Variants in DNAH11 observed in about 807,000 individuals in gnomAD.
DNAH11 encodes the protein dynein axonemal heavy chain 11.
Under a neutral mutation model 526.0 loss-of-function variants are expected in DNAH11, and 442 were observed. The observed-to-expected ratio is 0.84, with a 90% CI of 0.78 to 0.91. The LOEUF is 0.91. Ranked by LOEUF, DNAH11 falls within the 40% of genes least tolerant of loss-of-function variation. DNAH11 has a pLI of 0.00. For synonymous variants in DNAH11, 2,461 were observed against 1,935.9 expected (o/e 1.27, Z -7.12); for missense variants, 6,989 against 5,448.7 (o/e 1.28, Z -8.90).
intron 5 of DNAH11, among the ~76,000 whole-genome samples, chr7:21,562,556 T>G (rs531673673): frequency 6.6e-6 from 1 of 152,136 alleles, no homozygotes; most frequent in South Asian, 2.1e-4. Context: ...GGCCTGGAGA[T>G]TCAGGAAGAA....
chr7:21,826,260 A>G (rs1361732589), intron 65 of DNAH11, among the ~76,000 whole-genome samples: 1 of 152,066 alleles, frequency 6.6e-6, no homozygotes, highest in Non-Finnish European at 1.5e-5. Flanking sequence ...AACAAAATAA[A>G]GACTTTCTTA....
At chr7:21,880,648 G>C in intron 74 of DNAH11, 54 bp from the exon 75 acceptor site, 1 of 1,593,986 alleles carries the variant, frequency 6.3e-7, no homozygotes, top group Non-Finnish European at 8.6e-7. Context: ...GCAGACCCTT[G>C]CTCTTGGAAA....
In DNAH11 at chr7:21,856,906, G is replaced by C. The variant is rs554343582; in HGVS notation, c.11202+2451G>C. Among the ~76,000 whole-genome samples the C allele has an allele frequency of 1.7e-4, 26 of 152,160 alleles. 2 individuals are homozygous for C. The highest frequency in any genetic ancestry group is 1.7e-3 in the South Asian group (8 of 4,826). On this transcript the variant is annotated intron_variant, in intron 68 of 81. Coordinates refer to ENST00000409508, the MANE Select transcript of DNAH11 (RefSeq NM_001277115.2). ...TAATGTTGAAAATGGAATGCTTTTCGCTAAAATCAGGAACAAGACAAGGAT... is the reference window on the plus strand; with the variant it reads ...TAATGTTGAAAATGGAATGCTTTTCCCTAAAATCAGGAACAAGACAAGGAT...
intron 74 of DNAH11, among the ~76,000 whole-genome samples, chr7:21,880,226 C>G (rs909998365): frequency 3.3e-5 from 5 of 152,086 alleles, no homozygotes; most frequent in South Asian, 2.1e-4. Context: ...TTGGATGACA[C>G]AAATGGCTTC....
At chr7:21,548,081 A>T (rs1782871386) in intron 2 of DNAH11, among the ~76,000 whole-genome samples, 1 of 150,886 alleles carries the variant, frequency 6.6e-6, no homozygotes, top group Admixed American at 6.6e-5. Context: ...TTTTAAAGCA[A>T]CCTTCTACCC....
chr7:21,829,433 A>C (rs1274747718), intron 65 of DNAH11, among the ~76,000 whole-genome samples: 1 of 152,238 alleles, frequency 6.6e-6, no homozygotes, highest in African/African-American at 2.4e-5. Context: ...ATCTCTCTCC[A>C]AACAGCAGGT....
intron 29 of DNAH11, among the ~76,000 whole-genome samples, chr7:21,657,236 C>A (rs1302250436): frequency 6.6e-6 from 1 of 152,132 alleles, no homozygotes; most frequent in Non-Finnish European, 1.5e-5. Context: ...TTAGTGTATT[C>A]TTCAGCAAGT....
intron 9 of DNAH11, 27 bp from the exon 10 acceptor site, chr7:21,588,037 A>C (rs1398771416): frequency 5.6e-6 from 9 of 1,609,708 alleles, no homozygotes; most frequent in Non-Finnish European, 7.6e-6. Flanking sequence ...ATAGTGCTTA[A>C]TGTTGCCTTC....
intron 9 of DNAH11, among the ~76,000 whole-genome samples, chr7:21,586,522 G>A (rs1287000450): frequency 6.6e-6 from 1 of 152,108 alleles, no homozygotes; most frequent in Non-Finnish European, 1.5e-5. Context: ...CTAAGGTATA[G>A]TTATAGTTAC....
chr7:21,651,499 A>G (rs1781771900), intron 28 of DNAH11, among the ~76,000 whole-genome samples: 1 of 152,178 alleles, frequency 6.6e-6, no homozygotes, highest in Non-Finnish European at 1.5e-5. Flanking sequence ...AGTAGCTGGA[A>G]TTATAGGCGC....
At chr7:21,689,730 G>C (rs1783529955) in intron 34 of DNAH11, among the ~76,000 whole-genome samples, 1 of 152,208 alleles carries the variant, frequency 6.6e-6, no homozygotes, top group African/African-American at 2.4e-5. Flanking sequence ...AGTGTCTAAA[G>C]CACCCTTAGT....
chr7:21,891,599 T>C (rs1208510379), intron 76 of DNAH11, among the ~76,000 whole-genome samples: 1 of 152,234 alleles, frequency 6.6e-6, no homozygotes, highest in Admixed American at 6.5e-5. Flanking sequence ...GGGTTTGTTA[T>C]TGCTATTCAC....
At chr7:21,593,046 A>T (rs1016835386) in intron 14 of DNAH11, among the ~76,000 whole-genome samples, 2 of 152,202 alleles carry the variant, frequency 1.3e-5, no homozygotes, top group Non-Finnish European at 2.9e-5. Flanking sequence ...ATTTAGAGCC[A>T]TATAATTAGA....
At chr7:21,815,955 G>T (rs1222196713) in intron 63 of DNAH11, among the ~76,000 whole-genome samples, 1 of 151,932 alleles carries the variant, frequency 6.6e-6, no homozygotes, top group Non-Finnish European at 1.5e-5. Context: ...AAGTTCCTTT[G>T]CACAACTGAG....
intron 20 of DNAH11, among the ~76,000 whole-genome samples, chr7:21,613,560 A>G (rs778364383): frequency 3.4e-4 from 52 of 152,326 alleles, no homozygotes; most frequent in Admixed American, 1.0e-3. Flanking sequence ...ACATAGTAGG[A>G]AATGAAGAGA....
intron 45 of DNAH11, among the ~76,000 whole-genome samples, chr7:21,729,215 G>A (rs1375700797): frequency 1.3e-5 from 2 of 152,200 alleles, no homozygotes; most frequent in East Asian, 1.9e-4. Context: ...GTCTTGTCCT[G>A]TAGAATCTAA....
intron 20 of DNAH11, among the ~76,000 whole-genome samples, chr7:21,613,730 TATTA>T (rs1278268355): frequency 2.6e-5 from 4 of 152,218 alleles, no homozygotes; most frequent in African/African-American, 4.8e-5. Flanking sequence ...ATAATGCATA[TATTA>T]ATTAGCTCTA....
In DNAH11 at chr7:21,704,485, G is replaced by A. The variant is rs760217754; in HGVS notation, c.6325G>A (p.Asp2109Asn). 22 of 1,613,616 alleles carry A rather than the reference G, an allele frequency of 1.4e-5. No homozygotes were observed. The highest frequency in any genetic ancestry group is 3.3e-5 in the Admixed American group (2 of 59,932). ...DFNMPKIVTDDIPVFLGLVGD... is the reference protein window; with the variant it reads ...DFNMPKIVTDNIPVFLGLVGD... ...CAATATGCCCAAAATAGTGACTGAC[G>A]ACATCCCAGTGTTTCTGGGCCTGGT... Residue 2109 changes from aspartate (D) to asparagine (N), a missense_variant, in exon 38 of 82, where the codon GAC (aspartate) becomes AAC (asparagine). Transcript: ENST00000409508.
chr7:21,708,629 C>A lies in DNAH11; in HGVS notation c.6683+794C>A, dbSNP rs115965887. ...CGCTCTATGGGATTGGATCCCTGCC[C>A]CCGTCCCCAAATCCCACCATCCCTG... is the stretch of plus-strand genomic sequence containing the variant. On this transcript the variant is annotated intron_variant, in intron 40 of 81. Transcript: ENST00000409508. Among the ~76,000 whole-genome samples the A allele has an allele frequency of 4.3e-3, 653 of 152,270 alleles. 4 individuals carry two copies. The highest frequency in any genetic ancestry group is 0.015 in the African/African-American group (616 of 41,540).
Sources: allele counts gnomAD v4.1 joint callset (sites outside exome capture counted in the v4.1 genomes callset), GRCh38; gene constraint gnomAD v4.1.1; transcripts MANE v1.5; gene names NCBI Gene and HGNC (gene_info 2026-07-23, HGNC 2026-07-21).